The following CEBPZOS variants were observed in gnomAD, a reference collection of about 807,000 sequenced individuals.
The protein encoded by CEBPZOS is protein CEBPZOS.
A neutral mutation model predicts 4.8 loss-of-function variants in CEBPZOS; 10 were observed. The ratio of observed to expected loss-of-function variants is 2.07; its 90% CI spans 1.28 to 3.52. The LOEUF (loss-of-function observed/expected upper bound fraction) is 3.52, where lower values mean the gene tolerates loss of function less well. CEBPZOS is among the 30% of genes most tolerant of loss of function. The pLI is 0.00. For synonymous variants in CEBPZOS, 25 were observed against 14.2 expected, an observed-to-expected ratio of 1.77 and a Z score of -1.72; for missense variants, 98 against 43.6, an observed-to-expected ratio of 2.25 and a Z score of -3.51.
intron 1 of CEBPZOS, chr2:37,197,432 C>T (rs1041790312): frequency 3.3e-5 from 5 of 152,224 alleles, no homozygotes; most frequent in African/African-American, 1.2e-4. Context: ...GTATTATTCG[C>T]ACTTTATTTT....
Position 37,201,682 on chromosome 2 carries a change from CAG to C in CEBPZOS, c.206_207del (p.Glu69AlafsTer41), listed in dbSNP as rs1177553419. On this transcript the variant is annotated frameshift_variant, in exon 4 of 5. Coordinates refer to ENST00000402297, the MANE Select transcript of CEBPZOS (RefSeq NM_001322374.2). LOFTEE classifies it high-confidence loss of function. ...STEKSGMYGI[R>X]ELDQKTWLNS... ...CTGAGAAGTCTGGAATGTATGGAAT[CAG>C]AGAGCTAGATCAAAAAACATGGTTG... 8 of 850,908 alleles carry C rather than the reference CAG, an allele frequency of 9.4e-6. No homozygotes were observed. The highest frequency in any genetic ancestry group is 1.6e-5 in the Non-Finnish European group (8 of 507,206). The allele number at this position is 850,908 out of a possible 1,614,324, so 52.7% of individuals were successfully genotyped here. A position where few individuals can be genotyped will look rare whatever the true frequency, so the allele number is the denominator to read the frequency against.
intron 1 of CEBPZOS, among the ~76,000 whole-genome samples, chr2:37,198,199 TC>T (rs1341708626): frequency 6.6e-6 from 1 of 152,080 alleles, no homozygotes; most frequent in East Asian, 1.9e-4. Context: ...AAGAGAGGCA[TC>T]TGTACTGAGC....
intron 4 of CEBPZOS, 56 bp from the exon 5 acceptor site, chr2:37,201,804 CTCT>C (rs751331531): frequency 1.3e-5 from 20 of 1,570,498 alleles, no homozygotes; most frequent in South Asian, 6.7e-5. Context: ...GGTTTTAATC[CTCT>C]TCTTTTTAAA....
downstream of CEBPZOS, chr2:37,213,991 T>G (rs1461001604): frequency 1.6e-6 from 2 of 1,266,738 alleles, no homozygotes; most frequent in East Asian, 2.8e-5. Flanking sequence ...TATTTGACAA[T>G]TTTATTAAAG....
intron 4 of CEBPZOS, chr2:37,210,960 G>T: frequency 6.9e-7 from 1 of 1,442,100 alleles, no homozygotes; most frequent in Non-Finnish European, 9.6e-7. Flanking sequence ...CCTTTCACAT[G>T]GACACTGCTT....
downstream of CEBPZOS, among the ~76,000 whole-genome samples, chr2:37,207,403 C>T (rs1677575944): frequency 1.3e-5 from 2 of 152,154 alleles, no homozygotes; most frequent in African/African-American, 2.4e-5. Flanking sequence ...TATGGTAGGC[C>T]ACAAAACAAG....
At chr2:37,213,263 G>C (rs2148350779) in intron 4 of CEBPZOS, among the ~76,000 whole-genome samples, 2 of 152,184 alleles carry the variant, frequency 1.3e-5, no homozygotes, top group East Asian at 3.9e-4. Flanking sequence ...TAGTAAAAAG[G>C]ATTTCTTTTT....
In CEBPZOS at chr2:37,204,112, G is replaced by A. The variant is rs1006657748; in HGVS notation, c.*2252G>A. On this transcript the variant is annotated 3_prime_UTR_variant, in exon 5 of 5. Transcript: ENST00000402297. ...ACAGCTGTATAATACACATTTGCATGCATTAGGAAGTTTTTTTTGGGTTTT... is the reference window on the plus strand; with the variant it reads ...ACAGCTGTATAATACACATTTGCATACATTAGGAAGTTTTTTTTGGGTTTT... The A allele has an allele frequency of 2.0e-5, 3 of 152,196 alleles. No homozygotes were observed. The highest frequency in any genetic ancestry group is 3.4e-3 in the Middle Eastern group (1 of 296). The allele number at this position is 152,196 out of a possible 1,614,324, so 9.4% of individuals were successfully genotyped here.
chr2:37,211,737 T>C (rs977381884), intron 4 of CEBPZOS: 1 of 770,092 alleles, frequency 1.3e-6, no homozygotes, highest in Non-Finnish European at 2.0e-6. Flanking sequence ...GACATGAGTA[T>C]TAATTTGAAT....
chr2:37,197,839 C>G (rs1677022668), intron 1 of CEBPZOS, among the ~76,000 whole-genome samples: 1 of 151,784 alleles, frequency 6.6e-6, no homozygotes, highest in Non-Finnish European at 1.5e-5. Context: ...GCACTCCTGC[C>G]TGGGAGACAG....
At chr2:37,211,665 C>A in intron 4 of CEBPZOS, 1 of 528,922 alleles carries the variant, frequency 1.9e-6, no homozygotes, top group Non-Finnish European at 3.2e-6. Context: ...ACACACATAA[C>A]ACACAATAAA....
intron 1 of CEBPZOS, among the ~76,000 whole-genome samples, chr2:37,198,276 C>G (rs1361220706): frequency 6.6e-6 from 1 of 152,300 alleles, no homozygotes; most frequent in African/African-American, 2.4e-5. Flanking sequence ...TGTCCCTTCC[C>G]ACCACTCAAC....
intron 4 of CEBPZOS, chr2:37,212,372 A>C: frequency 1.2e-6 from 2 of 1,613,562 alleles, no homozygotes; most frequent in Non-Finnish European, 1.7e-6. Flanking sequence ...GAGCTGAAAC[A>C]GTTATCATCT....
chr2:37,210,235 G>GA, intron 4 of CEBPZOS: 1 of 152,300 alleles, frequency 6.6e-6, no homozygotes, highest in Admixed American at 6.5e-5. Flanking sequence ...TTAAAGAACT[G>GA]AAAGTAGAAC....
At chr2:37,209,733 A>G (rs1043874292), downstream of CEBPZOS, 2 of 152,216 alleles carry the variant, frequency 1.3e-5, no homozygotes, top group African/African-American at 4.8e-5. Flanking sequence ...GCTTAAGTAG[A>G]GTTCATGACC....
At chr2:37,206,968 T>C (rs1273211670), downstream of CEBPZOS, among the ~76,000 whole-genome samples, 1 of 152,064 alleles carries the variant, frequency 6.6e-6, no homozygotes, top group East Asian at 1.9e-4. Flanking sequence ...AGATATTCCA[T>C]GCAAATGGAA....
chr2:37,211,455 AT>A (rs1397853593), intron 4 of CEBPZOS: 1 of 234,792 alleles, frequency 4.3e-6, no homozygotes, highest in East Asian at 9.4e-5. Context: ...TCTAGAGACA[AT>A]TCTGGGTGTT....
In CEBPZOS at chr2:37,203,982, C is replaced by T. The variant is rs1677415800; in HGVS notation, c.*2122C>T. 6.6e-6 allele frequency: 1 copy of T among 152,134 alleles called. No homozygotes were observed. The highest frequency in any genetic ancestry group is 1.9e-4 in the East Asian group (1 of 5,200). 9.4% of individuals were successfully genotyped at this position (152,134 alleles called of 1,614,324 possible). On this transcript the variant is annotated 3_prime_UTR_variant, in exon 5 of 5. Transcript: ENST00000402297. Reference sequence around the variant, plus strand: ...CTACTTTTTGGCATTAATAGTGCTGCTGTGAACAATCATGTACAAGTCTTT... The same window carrying T: ...CTACTTTTTGGCATTAATAGTGCTGTTGTGAACAATCATGTACAAGTCTTT...
rs1572490493 is a variant in CEBPZOS at position 37,204,438 on chromosome 2, A to C, written c.*2578A>C. 1 of 151,988 alleles carries C rather than the reference A, an allele frequency of 6.6e-6. No individual in the cohort carries two copies. Among genetic ancestry groups the C allele is most frequent in the Non-Finnish European group, 1.5e-5 (1 of 68,004 alleles). The allele number at this position is 151,988 out of a possible 1,614,324, so 9.4% of individuals were successfully genotyped here. A position where few individuals can be genotyped will look rare whatever the true frequency, so the allele number is the denominator to read the frequency against. The stretch of plus-strand genomic sequence containing the variant: ...GCCTACAAGTGCATGCCACCACGCC[A>C]AGCTAATTTTTGTATTTTTAGTAGA... On this transcript the variant is annotated 3_prime_UTR_variant, in exon 5 of 5. Transcript: ENST00000402297.
Sources: gnomAD v4.1 joint callset for allele counts (sites outside exome capture counted in the v4.1 genomes callset) on GRCh38, gnomAD v4.1.1 for gene constraint, MANE v1.5 for transcripts, NCBI Gene and HGNC (gene_info 2026-07-23, HGNC 2026-07-21) for gene names.